ABCC11: variants seen among roughly 807,000 people sequenced by gnomAD.
ABCC11 encodes ATP-binding cassette sub-family C member 11.
In ABCC11, 135 loss-of-function variants were observed where a neutral mutation model predicts 149.3. The ratio of observed to expected loss-of-function variants is 0.90; its 90% CI spans 0.79 to 1.04. ABCC11 has a LOEUF of 1.04. ABCC11 is among the 50% of genes least tolerant of loss of function. The pLI is 0.00. For synonymous variants in ABCC11, 665 were observed against 671.4 expected (o/e 0.99, Z 0.15); for missense variants, 1,680 against 1,722.1 (o/e 0.98, Z 0.43).
intron 25 of ABCC11, among the ~76,000 whole-genome samples, 188 bp downstream of exon 25, chr16:48,176,736 C>T (rs1966098776): frequency 6.6e-6 from 1 of 152,210 alleles, no homozygotes; most frequent in Non-Finnish European, 1.5e-5. Flanking sequence ...GTCTCCTCCA[C>T]TGGAATCCCA....
rs1311739744 is a variant in ABCC11 at position 48,211,139 on chromosome 16, C to G, written c.1417G>C (p.Ala473Pro). Reference protein sequence around the residue: ...YVQTLQDPSKALVFEEATLSW... With the variant: ...YVQTLQDPSKPLVFEEATLSW... Reference sequence around the variant, plus strand: ...AAGGTGGCCTCCTCAAAGACCAGAGCTTTGCTGGGGTCTTGTAATGTCTGG... The same window carrying G: ...AAGGTGGCCTCCTCAAAGACCAGAGGTTTGCTGGGGTCTTGTAATGTCTGG... Residue 473 changes from alanine to proline, a missense_variant, in exon 11 of 30, where the codon GCT (alanine) becomes CCT (proline). Ala to Pro is a conservative substitution (Grantham distance 27, BLOSUM62 -1). Transcript: ENST00000356608. The G allele has an allele frequency of 1.9e-6, 3 of 1,614,196 alleles. No individual in the cohort carries two copies. The highest frequency in any genetic ancestry group is 2.5e-6 in the Non-Finnish European group (3 of 1,180,042).
rs1970100008 is a variant in ABCC11, at chr16:48,226,736, G to GTA, written c.395+1069_395+1070insTA. ...ACCAAATAGGTCTGAGAAGGAATGG[G>GTA]TCAAAGTTTACCCAGTTTCTGTACT... On this transcript the variant is annotated intron_variant, in intron 4 of 29. Transcript: ENST00000356608. Among the ~76,000 whole-genome samples the GTA allele has an allele frequency of 5.9e-5, 9 of 152,294 alleles. 1 individual carries two copies. The South Asian group carries it at 1.9e-3, about 32-fold the overall frequency.
rs1227411882 is a variant in ABCC11 at position 48,222,831 on chromosome 16, T to C, written c.544A>G (p.Ile182Val). Residue 182 changes from isoleucine to valine, a missense_variant and splice_region_variant, in exon 6 of 30, where the codon ATA becomes GTA. Coordinates refer to ENST00000356608, the MANE Select transcript of ABCC11 (RefSeq NM_001370497.1). The part of the protein sequence containing the change: ...CFCIASVLGP[I>V]LIIPKILEYS... ...TCCAGGATCTTTGGTATAATCAATA[T>C]CTACAAGGAAATGGGAGTTTGGATC... 5.0e-6 allele frequency: 8 copies of C among 1,609,322 alleles called. 1 individual carries two copies. The Admixed American group carries it at 5.0e-5, about 10-fold the overall frequency.
chr16:48,222,967 T>A, intron 5 of ABCC11, 136 bp from the exon 6 acceptor site: 1 of 755,296 alleles, frequency 1.3e-6, no homozygotes, highest in Non-Finnish European at 2.1e-6. Flanking sequence ...TCAAGTACAA[T>A]CCTGCCCTCA....
intron 15 of ABCC11, among the ~76,000 whole-genome samples, chr16:48,198,824 G>A (rs953049165): frequency 2.0e-5 from 3 of 152,024 alleles, no homozygotes; most frequent in Non-Finnish European, 4.4e-5. Context: ...AGATCACGAG[G>A]TCAGGAGTTC....
rs1236610602 is a variant in ABCC11, at chr16:48,175,514, C to T, written c.3539-97G>A. 1.9e-5 allele frequency: 26 copies of T among 1,389,910 alleles called. No individual in the cohort carries two copies. In the East Asian group the frequency reaches 2.5e-4, roughly 13 times the overall value. The allele number at this position is 1,389,910 out of a possible 1,614,324, so 86.1% of individuals were successfully genotyped here. On this transcript the variant is annotated intron_variant, in intron 25 of 29. Coordinates refer to ENST00000356608, the MANE Select transcript of ABCC11 (RefSeq NM_001370497.1). ...CGATCACACCTGACCCGCTGCCCTC[C>T]GTGGCCCATTCTTCATCACTGTGAG...
chr16:48,198,738 G>A (rs189040774), intron 15 of ABCC11, among the ~76,000 whole-genome samples: 61 of 151,648 alleles, frequency 4.0e-4, no homozygotes, highest in African/African-American at 1.3e-3. Context: ...ATACCAAGGA[G>A]AATTAAATAA....
intron 26 of ABCC11, among the ~76,000 whole-genome samples, chr16:48,172,683 C>T (rs1336961023): frequency 6.6e-6 from 1 of 152,172 alleles, no homozygotes; most frequent in East Asian, 1.9e-4. Flanking sequence ...ATGAGAGTTT[C>T]AATTTTTTCA....
intron 6 of ABCC11, among the ~76,000 whole-genome samples, chr16:48,220,072 T>G (rs1175299822): frequency 6.6e-6 from 1 of 152,230 alleles, no homozygotes; most frequent in Non-Finnish European, 1.5e-5. Flanking sequence ...ATCTCCACTC[T>G]CAAATAGACC....
At chr16:48,195,691 A>T (rs1967337011) in intron 18 of ABCC11, among the ~76,000 whole-genome samples, 1 of 152,252 alleles carries the variant, frequency 6.6e-6, no homozygotes. Flanking sequence ...GCCTTAAGAA[A>T]TAAAAATTAA....
chr16:48,244,861 G>T (rs1310507940), intron 1 of ABCC11, among the ~76,000 whole-genome samples: 3 of 152,182 alleles, frequency 2.0e-5, no homozygotes, highest in African/African-American at 4.8e-5. Flanking sequence ...GTTCCCTACC[G>T]TTCTGGATAA....
chr16:48,195,214 C>T (rs893104178), intron 18 of ABCC11, among the ~76,000 whole-genome samples: 36 of 152,202 alleles, frequency 2.4e-4, no homozygotes, highest in African/African-American at 7.5e-4. Flanking sequence ...CAGCTAGATT[C>T]CAGGGTTGGT....
At chr16:48,229,148 G>A (rs1437716598) in intron 3 of ABCC11, among the ~76,000 whole-genome samples, 1 of 152,092 alleles carries the variant, frequency 6.6e-6, no homozygotes, top group East Asian at 1.9e-4. Flanking sequence ...GGTGAGGGGA[G>A]GGCAAGAGAT....
chr16:48,213,894 A>G (rs147258265), intron 9 of ABCC11, among the ~76,000 whole-genome samples: 82 of 152,330 alleles, frequency 5.4e-4, no homozygotes, highest in African/African-American at 1.9e-3. Context: ...AATTCATGTG[A>G]GTGAGCATTG....
intron 11 of ABCC11, chr16:48,210,392 T>G (rs1357125141): frequency 1.3e-5 from 2 of 152,520 alleles, no homozygotes; most frequent in Admixed American, 1.3e-4. Flanking sequence ...CTACTAGATA[T>G]TATCTATTTT....
At chr16:48,226,138 G>A (rs947267252) in intron 4 of ABCC11, among the ~76,000 whole-genome samples, 4 of 151,416 alleles carry the variant, frequency 2.6e-5, no homozygotes, top group African/African-American at 7.3e-5. Context: ...GTGCAGTGGC[G>A]CAATCTTGGC....
At chr16:48,232,990 A>C (rs1394045395) in intron 1 of ABCC11, among the ~76,000 whole-genome samples, 2 of 152,160 alleles carry the variant, frequency 1.3e-5, no homozygotes, top group Admixed American at 1.3e-4. Context: ...GCTTGAGCTC[A>C]GGAGTTTGAG....
In ABCC11 at chr16:48,193,861, C is replaced by T; in HGVS notation, c.2508+18G>A. On this transcript the variant is annotated intron_variant, in intron 19 of 29. Transcript: ENST00000356608. ...TCAAGCCCATAGAAACACAGCCCAT[C>T]CACCTCATGGCACTCACCCCCGAGC... The T allele has an allele frequency of 1.2e-6, 2 of 1,600,092 alleles. No individual in the cohort carries two copies. The highest frequency in any genetic ancestry group is 1.7e-6 in the Non-Finnish European group (2 of 1,168,074).
intron 11 of ABCC11, 21 bp from the exon 12 acceptor site, chr16:48,208,517 A>G (rs754403627): frequency 1.2e-6 from 2 of 1,613,944 alleles, no homozygotes; most frequent in East Asian, 2.2e-5. Flanking sequence ...AGGAGGACAT[A>G]CAAGTGTTGG....
Sources: gnomAD v4.1 joint callset for allele counts (sites outside exome capture counted in the v4.1 genomes callset) on GRCh38, gnomAD v4.1.1 for gene constraint, MANE v1.5 for transcripts, NCBI Gene and HGNC (gene_info 2026-07-23, HGNC 2026-07-21) for gene names.